RBFOX1: variants seen among roughly 807,000 people sequenced by gnomAD.
RBFOX1 encodes the protein RNA binding fox-1 homolog 1, also known as RNA binding protein fox-1 homolog 1.
Under a neutral mutation model 57.7 loss-of-function variants are expected in RBFOX1, and 8 were observed. The ratio of observed to expected loss-of-function variants is 0.14; its 90% CI spans 0.08 to 0.25. The LOEUF is 0.25. RBFOX1 is among the 10% of genes least tolerant of loss of function. The pLI is 1.00. For synonymous variants in RBFOX1, 326 were observed against 222.4 expected (o/e 1.47, Z -4.15); for missense variants, 611 against 548.5 (o/e 1.11, Z -1.14).
At chr16:6,723,565 C>G (rs992731994) in intron 3 of RBFOX1, among the ~76,000 whole-genome samples, 1 of 152,144 alleles carries the variant, frequency 6.6e-6, no homozygotes, top group African/African-American at 2.4e-5. Context: ...CATTGGTTTA[C>G]TTTGGAGAAG....
chr16:6,601,290 A>G (rs1015669448), intron 2 of RBFOX1, among the ~76,000 whole-genome samples: 2 of 152,170 alleles, frequency 1.3e-5, no homozygotes, highest in Non-Finnish European at 2.9e-5. Context: ...ATACGGCTCT[A>G]GTATTTAAGC....
chr16:5,431,676 G>A (rs956626228), intron 1 of RBFOX1, among the ~76,000 whole-genome samples: 2 of 152,078 alleles, frequency 1.3e-5, no homozygotes, highest in African/African-American at 4.8e-5. Context: ...CCCAGCCGCT[G>A]GTTTATTTTT....
chr16:7,160,103 C>G (rs1242883929), intron 4 of RBFOX1, among the ~76,000 whole-genome samples: 1 of 152,024 alleles, frequency 6.6e-6, no homozygotes, highest in Non-Finnish European at 1.5e-5. Context: ...TAATTTCTTA[C>G]CACAACAGAA....
At chr16:5,526,167 A>G (rs1305954507) in intron 2 of RBFOX1, among the ~76,000 whole-genome samples, 1 of 152,026 alleles carries the variant, frequency 6.6e-6, no homozygotes, top group Non-Finnish European at 1.5e-5. Context: ...CTCTTCCCTG[A>G]TGTTCATGGG....
chr16:6,557,417 C>G (rs564094860), intron 2 of RBFOX1, among the ~76,000 whole-genome samples: 3 of 152,162 alleles, frequency 2.0e-5, no homozygotes, highest in African/African-American at 4.8e-5. Context: ...CAGACTGGGA[C>G]AGTACGATTT....
chr16:7,014,480 C>A (rs754107112), intron 3 of RBFOX1, among the ~76,000 whole-genome samples: 4 of 151,608 alleles, frequency 2.6e-5, no homozygotes, highest in Non-Finnish European at 1.5e-5. Context: ...CTCCTGACCT[C>A]AGGTGATCCA....
intron 1 of RBFOX1, among the ~76,000 whole-genome samples, chr16:6,113,045 C>G (rs2096462753): frequency 6.6e-6 from 1 of 152,160 alleles, no homozygotes; most frequent in African/African-American, 2.4e-5. Flanking sequence ...CATCCTAAAG[C>G]ATAGTTCCTC....
chr16:5,585,195 C>T (rs570117569), intron 2 of RBFOX1, among the ~76,000 whole-genome samples: 1 of 152,138 alleles, frequency 6.6e-6, no homozygotes, highest in Non-Finnish European at 1.5e-5. Flanking sequence ...CCCTGGAAAT[C>T]ACTAATCTGT....
intron 14 of RBFOX1, among the ~76,000 whole-genome samples, chr16:7,684,999 A>G (rs2075747519): frequency 6.6e-6 from 1 of 152,082 alleles, no homozygotes; most frequent in Non-Finnish European, 1.5e-5. Context: ...GGATCATCTA[A>G]AAAGCCTGCA....
intron 4 of RBFOX1, among the ~76,000 whole-genome samples, chr16:7,382,024 A>T (rs1403547156): frequency 6.6e-6 from 1 of 152,196 alleles, no homozygotes. Flanking sequence ...AAGTTGTCTG[A>T]AGGATGATCT....
chr16:5,558,323 C>T (rs1269831948), intron 2 of RBFOX1, among the ~76,000 whole-genome samples: 1 of 152,174 alleles, frequency 6.6e-6, no homozygotes, highest in Non-Finnish European at 1.5e-5. Flanking sequence ...AGTTCTTAGA[C>T]ACCCAACCCT....
At chr16:7,541,350 A>G (rs1478299631) in intron 5 of RBFOX1, among the ~76,000 whole-genome samples, 1 of 152,156 alleles carries the variant, frequency 6.6e-6, no homozygotes, top group Non-Finnish European at 1.5e-5. Context: ...GTGAAGCAGC[A>G]TTTTCCTCTT....
intron 3 of RBFOX1, among the ~76,000 whole-genome samples, chr16:6,927,834 A>G (rs8044162): frequency 0.12 from 18,843 of 152,268 alleles, 1,197 homozygotes; most frequent in East Asian, 0.15. Context: ...TGAAGGAAAT[A>G]GAAAATGTGG....
chr16:6,438,039 C>G (rs2094284725), intron 2 of RBFOX1, among the ~76,000 whole-genome samples: 1 of 152,132 alleles, frequency 6.6e-6, no homozygotes, highest in African/African-American at 2.4e-5. Context: ...GGATTTCATC[C>G]CAATGCCGTT....
At chr16:7,163,127 A>G (rs1321419070) in intron 4 of RBFOX1, among the ~76,000 whole-genome samples, 1 of 152,206 alleles carries the variant, frequency 6.6e-6, no homozygotes, top group Non-Finnish European at 1.5e-5. Flanking sequence ...ATGCATCTGC[A>G]GCTCAACACT....
chr16:7,670,756 A>G (rs2071150457), intron 13 of RBFOX1, among the ~76,000 whole-genome samples: 1 of 152,186 alleles, frequency 6.6e-6, no homozygotes, highest in Admixed American at 6.5e-5. Context: ...AGTCTCTTCA[A>G]GTGTTCAGCC....
chr16:6,419,922 G>A (rs1344203934), intron 2 of RBFOX1, among the ~76,000 whole-genome samples: 2 of 152,114 alleles, frequency 1.3e-5, no homozygotes, highest in Non-Finnish European at 2.9e-5. Flanking sequence ...TTTAATGCAC[G>A]GAGAGTCAAA....
chr16:6,750,396 G>A (rs144390254), intron 3 of RBFOX1, among the ~76,000 whole-genome samples: 2 of 152,306 alleles, frequency 1.3e-5, no homozygotes, highest in Admixed American at 6.5e-5. Context: ...GCTTAAAATA[G>A]CAGCAGAAGC....
intron 4 of RBFOX1, among the ~76,000 whole-genome samples, chr16:7,293,759 G>A (rs1024859293): frequency 1.6e-4 from 24 of 152,220 alleles, no homozygotes; most frequent in African/African-American, 5.5e-4. Flanking sequence ...TGTAAGTTTT[G>A]CAGATAAACC....
Sources: gnomAD v4.1 joint callset for allele counts (sites outside exome capture counted in the v4.1 genomes callset) on GRCh38, gnomAD v4.1.1 for gene constraint, MANE v1.5 for transcripts, NCBI Gene and HGNC (gene_info 2026-07-23, HGNC 2026-07-21) for gene names.